SLC25A21: variants seen among roughly 807,000 people sequenced by gnomAD.
The protein encoded by SLC25A21 is mitochondrial 2-oxodicarboxylate carrier.
Under a neutral mutation model 43.8 loss-of-function variants are expected in SLC25A21, and 47 were observed. The observed-to-expected ratio is 1.07, with a 90% CI of 0.85 to 1.37. The LOEUF (loss-of-function observed/expected upper bound fraction) is 1.37, where lower values mean the gene tolerates loss of function less well. Ranked by LOEUF, SLC25A21 falls within the 40% of genes most tolerant of loss-of-function variation. SLC25A21 has a pLI of 0.00. For synonymous variants in SLC25A21, 131 were observed against 121.3 expected (o/e 1.08, Z -0.52); for missense variants, 352 against 350.2 (o/e 1.00, Z -0.04).
chr14:37,094,165 T>C (rs1962641860), intron 1 of SLC25A21, among the ~76,000 whole-genome samples: 1 of 152,204 alleles, frequency 6.6e-6, no homozygotes, highest in African/African-American at 2.4e-5. Context: ...GTGTGGAGTT[T>C]AGACTTTAAA....
chr14:36,982,751 T>C (rs1412067579), intron 1 of SLC25A21, among the ~76,000 whole-genome samples: 1 of 152,130 alleles, frequency 6.6e-6, no homozygotes, highest in African/African-American at 2.4e-5. Flanking sequence ...GAGCCAGAGG[T>C]TGCAGTAAGC....
In SLC25A21 at chr14:37,162,275, C is replaced by A. The variant is rs561822923; in HGVS notation, c.70+10006G>T. 8.5e-4 allele frequency among the ~76,000 whole-genome samples: 129 copies of A among 152,270 alleles called. 1 individual carries two copies. The South Asian group carries it at 0.026, about 31-fold the overall frequency. On this transcript the variant is annotated intron_variant, in intron 1 of 9. Coordinates refer to ENST00000331299, the MANE Select transcript of SLC25A21 (RefSeq NM_030631.4). ...CAGAAGCTCTTTAGTTTAATTAGATCCGATTTGTCAATTTTGGCTTTTGTT... is the reference window on the plus strand; with the variant it reads ...CAGAAGCTCTTTAGTTTAATTAGATACGATTTGTCAATTTTGGCTTTTGTT...
At chr14:36,704,923 A>G (rs767456642) in intron 7 of SLC25A21, among the ~76,000 whole-genome samples, 2 of 152,222 alleles carry the variant, frequency 1.3e-5, no homozygotes, top group Non-Finnish European at 2.9e-5. Flanking sequence ...TTAATAGCAT[A>G]AAGTGCCACA....
At chr14:37,084,111 C>T (rs951333965) in intron 1 of SLC25A21, among the ~76,000 whole-genome samples, 4 of 152,120 alleles carry the variant, frequency 2.6e-5, no homozygotes, top group Non-Finnish European at 5.9e-5. Flanking sequence ...ACAGCTTGAA[C>T]CATTAATCCT....
intron 1 of SLC25A21, among the ~76,000 whole-genome samples, chr14:37,129,247 T>A (rs1367530687): frequency 2.6e-5 from 4 of 152,212 alleles, no homozygotes. Context: ...CACAGTCTCA[T>A]AAATATCACT....
At chr14:37,039,908 CA>C (rs1961408334) in intron 1 of SLC25A21, among the ~76,000 whole-genome samples, 2 of 152,070 alleles carry the variant, frequency 1.3e-5, no homozygotes, top group African/African-American at 2.4e-5. Context: ...AAAGTAGTTA[CA>C]GGGGGCTGGG....
chr14:36,977,024 T>A (rs1428686034), intron 1 of SLC25A21, among the ~76,000 whole-genome samples: 1 of 152,184 alleles, frequency 6.6e-6, no homozygotes, highest in Non-Finnish European at 1.5e-5. Context: ...AAACCATAAG[T>A]TTTCTCTCTG....
At chr14:36,989,073 C>T (rs1188840104) in intron 1 of SLC25A21, among the ~76,000 whole-genome samples, 2 of 152,172 alleles carry the variant, frequency 1.3e-5, no homozygotes, top group Non-Finnish European at 2.9e-5. Flanking sequence ...TATCATATTT[C>T]ATGTTGTATG....
chr14:36,981,792 C>T (rs1212384983), intron 1 of SLC25A21, among the ~76,000 whole-genome samples: 1 of 152,028 alleles, frequency 6.6e-6, no homozygotes, highest in African/African-American at 2.4e-5. Flanking sequence ...ACATATGTAA[C>T]AAACCTGCAC....
intron 3 of SLC25A21, among the ~76,000 whole-genome samples, chr14:36,752,537 A>G (rs1234929721): frequency 2.0e-5 from 3 of 152,248 alleles, no homozygotes; most frequent in South Asian, 2.1e-4. Context: ...TGTGGCATAT[A>G]TAAACAATGG....
chr14:36,826,417 G>T (rs902123216), intron 2 of SLC25A21, among the ~76,000 whole-genome samples: 1 of 152,086 alleles, frequency 6.6e-6, no homozygotes, highest in African/African-American at 2.4e-5. Context: ...TTTTTCCTAT[G>T]CAGTGAGGTC....
At chr14:37,141,665 T>C (rs889289218) in intron 1 of SLC25A21, among the ~76,000 whole-genome samples, 1 of 152,220 alleles carries the variant, frequency 6.6e-6, no homozygotes, top group African/African-American at 2.4e-5. Flanking sequence ...TAGTAGCAAG[T>C]TGCCCCATTA....
chr14:37,145,688 G>C (rs1229568509), intron 1 of SLC25A21, among the ~76,000 whole-genome samples: 1 of 152,090 alleles, frequency 6.6e-6, no homozygotes, highest in Non-Finnish European at 1.5e-5. Context: ...AATGACATTT[G>C]AGCTTGAGAA....
At chr14:37,111,909 G>T (rs1019910720) in intron 1 of SLC25A21, among the ~76,000 whole-genome samples, 8 of 152,260 alleles carry the variant, frequency 5.3e-5, no homozygotes, top group African/African-American at 1.9e-4. Context: ...ACAAGCTGGA[G>T]TTTAAAACAA....
intron 7 of SLC25A21, among the ~76,000 whole-genome samples, chr14:36,694,597 G>A (rs1289178687): frequency 6.6e-6 from 1 of 152,082 alleles, no homozygotes; most frequent in Non-Finnish European, 1.5e-5. Context: ...TTTAATGATT[G>A]CCATTCTAAC....
intron 1 of SLC25A21, among the ~76,000 whole-genome samples, chr14:37,030,147 GAAAAT>G (rs1961180407): frequency 6.6e-6 from 1 of 152,088 alleles, no homozygotes; most frequent in Admixed American, 6.5e-5. Flanking sequence ...ATAAAGAAAA[GAAAAT>G]GTTTTTAGGA....
chr14:36,712,044 C>T (rs879082113), intron 6 of SLC25A21, among the ~76,000 whole-genome samples: 14 of 152,118 alleles, frequency 9.2e-5, no homozygotes, highest in African/African-American at 2.4e-4. Context: ...AATCAGTGTG[C>T]GTATCACTGC....
chr14:37,092,917 C>CCACA (rs3061852), intron 1 of SLC25A21, among the ~76,000 whole-genome samples: 96 of 150,592 alleles, frequency 6.4e-4, no homozygotes, highest in South Asian at 3.8e-3. Flanking sequence ...CATTTACACA[C>CCACA]CACACACACA....
At chr14:36,812,216 G>A (rs1269727888) in intron 3 of SLC25A21, among the ~76,000 whole-genome samples, 3 of 152,092 alleles carry the variant, frequency 2.0e-5, no homozygotes, top group Non-Finnish European at 4.4e-5. Flanking sequence ...TTTTTCATCT[G>A]TCAGATGGTA....
Sources: gnomAD v4.1 joint callset for allele counts (sites outside exome capture counted in the v4.1 genomes callset) on GRCh38, gnomAD v4.1.1 for gene constraint, MANE v1.5 for transcripts, NCBI Gene and HGNC (gene_info 2026-07-23, HGNC 2026-07-21) for gene names.